Variants in CLPB observed in about 807,000 individuals in gnomAD.
CLPB encodes the protein ClpB family mitochondrial disaggregase, also known as mitochondrial disaggregase.
A neutral mutation model predicts 78.4 loss-of-function variants in CLPB; 40 were observed. The ratio of observed to expected loss-of-function variants is 0.51; its 90% CI spans 0.40 to 0.66. CLPB has a LOEUF of 0.66. Among genes scored for constraint, CLPB ranks in the 30% least tolerant of loss-of-function variants. The pLI, the probability that CLPB is intolerant of heterozygous loss-of-function variation, is 0.00. For synonymous variants in CLPB, 333 were observed against 348.0 expected, an observed-to-expected ratio of 0.96 and a Z score of 0.48; for missense variants, 780 against 886.9, an observed-to-expected ratio of 0.88 and a Z score of 1.53.
intron 11 of CLPB, among the ~76,000 whole-genome samples, chr11:72,299,243 G>GCACTA (rs1949611931): frequency 6.6e-6 from 1 of 152,188 alleles, no homozygotes. Context: ...GCTGTAGCTT[G>GCACTA]GGCTCCCCAG....
intron 5 of CLPB, among the ~76,000 whole-genome samples, chr11:72,340,928 G>A (rs1393751427): frequency 1.3e-5 from 2 of 152,166 alleles, no homozygotes; most frequent in African/African-American, 4.8e-5. Context: ...TCGGCTCACT[G>A]CAAGCTCCAT....
At chr11:72,408,981 CAAGTGA>C (rs1855795667) in intron 2 of CLPB, among the ~76,000 whole-genome samples, 1 of 152,198 alleles carries the variant, frequency 6.6e-6, no homozygotes, top group Non-Finnish European at 1.5e-5. Context: ...CAAAATGTGG[CAAGTGA>C]ATTAATCTCT....
Position 72,294,354 on chromosome 11 carries a change from T to C in CLPB, c.1651A>G (p.Asn551Asp). The change falls in exon 14 of 16, where the codon AAC (asparagine) becomes GAC (aspartate). Residue 551 changes from asparagine to aspartate, a missense_variant. By Grantham distance (23) the Asn-to-Asp change is conservative. Coordinates refer to ENST00000538039, the MANE Select transcript of CLPB (RefSeq NM_001258392.3). The stretch of plus-strand genomic sequence containing the variant: ...TTGGCCCAGAAGTTTAGTTCCTTGT[T>C]GACGAGTTGGATGAGCTCCGAGTGG... ...FCHSELIQLV[N>D]KELNFWAKRA... 1 of 1,614,254 alleles carries C rather than the reference T, an allele frequency of 6.2e-7. No individual in the cohort carries two copies.
At chr11:72,422,346 A>C (rs2135143737) in intron 2 of CLPB, among the ~76,000 whole-genome samples, 1 of 152,080 alleles carries the variant, frequency 6.6e-6, no homozygotes, top group East Asian at 1.9e-4. Context: ...AATACTTGGA[A>C]GCTAAGACTT....
intron 3 of CLPB, among the ~76,000 whole-genome samples, chr11:72,391,163 G>C (rs1267057141): frequency 6.6e-6 from 1 of 152,034 alleles, no homozygotes; most frequent in African/African-American, 2.4e-5. Flanking sequence ...TAGTAGTCTT[G>C]GGGGCTGAAA....
intron 5 of CLPB, 29 bp downstream of exon 5, chr11:72,358,851 C>T (rs752148896): frequency 3.4e-6 from 4 of 1,177,126 alleles, no homozygotes; most frequent in Non-Finnish European, 4.6e-6. Context: ...ACTTCCCCCA[C>T]CCCACCCCTC....
intron 11 of CLPB, among the ~76,000 whole-genome samples, chr11:72,297,636 G>GGTGTGTGTGTGTGTGTGT (rs67807556): frequency 6.7e-4 from 63 of 93,458 alleles, no homozygotes; most frequent in East Asian, 1.6e-3. Context: ...TTGGGGACCA[G>GGTGTGTGTGTGTGTGTGT]GTGTGTGTGT....
intron 4 of CLPB, among the ~76,000 whole-genome samples, chr11:72,375,332 C>T (rs1453966931): frequency 6.6e-6 from 1 of 152,140 alleles, no homozygotes; most frequent in Non-Finnish European, 1.5e-5. Context: ...AGAATGAGCT[C>T]CCTAGAACTG....
At position 72,291,790 on chromosome 11, in the gene CLPB, T is replaced by A. The variant is rs952597910; in HGVS notation, c.*1577A>T. On this transcript the variant is annotated 3_prime_UTR_variant, in exon 16 of 16. Coordinates refer to ENST00000538039, the MANE Select transcript of CLPB (RefSeq NM_001258392.3). The stretch of plus-strand genomic sequence containing the variant: ...CGGGTCCAGTGGCTCATGCCTGTAA[T>A]CCCAGCACTTTGGGAGGCCGAGGCA... The A allele has an allele frequency of 6.6e-6, 1 of 151,058 alleles. No homozygotes were observed. The highest frequency in any genetic ancestry group is 2.4e-5 in the African/African-American group (1 of 41,152). 9.4% of individuals were successfully genotyped at this position (151,058 alleles called of 1,614,324 possible).
At chr11:72,384,362 A>G (rs776632601) in intron 3 of CLPB, among the ~76,000 whole-genome samples, 1 of 152,248 alleles carries the variant, frequency 6.6e-6, no homozygotes, top group Non-Finnish European at 1.5e-5. Context: ...GTGACACTAA[A>G]AATACAGAAT....
chr11:72,314,876 G>A lies in CLPB; in HGVS notation c.988+2230C>T, dbSNP rs551244734. ...GCTGGTGCATGCAGCACAAAGCAGGGAGCAGCAGGAGCAGGCCTGCATGCC... is the reference window on the plus strand; with the variant it reads ...GCTGGTGCATGCAGCACAAAGCAGGAAGCAGCAGGAGCAGGCCTGCATGCC... On this transcript the variant is annotated intron_variant, in intron 7 of 15. Coordinates refer to ENST00000538039, the MANE Select transcript of CLPB (RefSeq NM_001258392.3). 1.2e-4 allele frequency among the ~76,000 whole-genome samples: 19 copies of A among 152,264 alleles called. No homozygotes were observed. In the East Asian group the frequency reaches 3.3e-3, roughly 26 times the overall value.
chr11:72,407,146 T>C (rs918674677), intron 2 of CLPB, among the ~76,000 whole-genome samples: 1 of 152,230 alleles, frequency 6.6e-6, no homozygotes, highest in Admixed American at 6.5e-5. Context: ...TGTCCCCTTT[T>C]GGACCTATGT....
At chr11:72,381,647 A>C (rs1217155797) in intron 3 of CLPB, among the ~76,000 whole-genome samples, 1 of 152,110 alleles carries the variant, frequency 6.6e-6, no homozygotes, top group Admixed American at 6.5e-5. Context: ...CTGCCCTAGC[A>C]CTGGGTCAGC....
intron 6 of CLPB, among the ~76,000 whole-genome samples, chr11:72,325,432 C>G (rs1017520959): frequency 6.6e-6 from 1 of 152,150 alleles, no homozygotes; most frequent in African/African-American, 2.4e-5. Context: ...AGATGGCAAA[C>G]TCAGGGACAG....
At chr11:72,404,333 G>C (rs904288776) in intron 2 of CLPB, among the ~76,000 whole-genome samples, 2 of 152,170 alleles carry the variant, frequency 1.3e-5, no homozygotes, top group African/African-American at 4.8e-5. Context: ...CTAGCCAAAG[G>C]GCAGAGAGTC....
At chr11:72,408,812 T>C (rs374013630) in intron 2 of CLPB, among the ~76,000 whole-genome samples, 1 of 152,200 alleles carries the variant, frequency 6.6e-6, no homozygotes, top group Non-Finnish European at 1.5e-5. Context: ...CCAGGTCTCC[T>C]GCATTTCACT....
intron 4 of CLPB, among the ~76,000 whole-genome samples, chr11:72,359,500 A>G (rs149221670): frequency 6.6e-6 from 1 of 152,294 alleles, no homozygotes; most frequent in Admixed American, 6.5e-5. Flanking sequence ...GGCAGGAGAC[A>G]GAGGCTGTTT....
At chr11:72,384,755 T>C (rs1037859340) in intron 3 of CLPB, among the ~76,000 whole-genome samples, 2 of 152,190 alleles carry the variant, frequency 1.3e-5, no homozygotes, top group Non-Finnish European at 2.9e-5. Flanking sequence ...GATATTCATA[T>C]GGAATAAAAT....
At chr11:72,381,597 C>A (rs1409019578) in intron 3 of CLPB, among the ~76,000 whole-genome samples, 1 of 152,164 alleles carries the variant, frequency 6.6e-6, no homozygotes, top group Non-Finnish European at 1.5e-5. Context: ...GCTCTAGACT[C>A]CCCCCAGAAC....
Sources: allele counts gnomAD v4.1 joint callset (sites outside exome capture counted in the v4.1 genomes callset), GRCh38; gene constraint gnomAD v4.1.1; transcripts MANE v1.5; gene names NCBI Gene and HGNC (gene_info 2026-07-23, HGNC 2026-07-21).